Variants in PTPRQ observed in about 807,000 individuals in gnomAD.
The protein encoded by PTPRQ is protein tyrosine phosphatase receptor type Q.
In PTPRQ, 199 loss-of-function variants were observed where a neutral mutation model predicts 246.0. The ratio of observed to expected loss-of-function variants is 0.81; its 90% CI spans 0.72 to 0.91. PTPRQ has a LOEUF of 0.91. Ranked by LOEUF, PTPRQ falls within the 40% of genes least tolerant of loss-of-function variation. The pLI, the probability that PTPRQ is intolerant of heterozygous loss-of-function variation, is 0.00. For missense variants in PTPRQ, 2,624 were observed against 2,528.4 expected (o/e 1.04, Z -0.81); for synonymous variants, 869 against 853.2 (o/e 1.02, Z -0.32).
chr12:80,575,601 G>C (rs1431715481), intron 25 of PTPRQ, among the ~76,000 whole-genome samples: 1 of 151,678 alleles, frequency 6.6e-6, no homozygotes, highest in East Asian at 1.9e-4. Context: ...CAGCACTTTG[G>C]GAGGCCAGGG....
In PTPRQ at chr12:80,539,846, C is replaced by A. The variant is rs1043142037; in HGVS notation, c.3056C>A (p.Thr1019Lys). The A allele has an allele frequency of 3.2e-6, 5 of 1,548,646 alleles. No homozygotes were observed. The highest frequency in any genetic ancestry group is 4.4e-6 in the Non-Finnish European group (5 of 1,145,700). Residue 1019 changes from threonine to lysine, a missense_variant, in exon 20 of 45, where the codon ACA becomes AAA. Coordinates refer to ENST00000644991, the MANE Select transcript of PTPRQ (RefSeq NM_001145026.2). The stretch of plus-strand genomic sequence containing the variant: ...GTATCCACAATTATAGATAAACTGA[C>A]AATATTCAGCTACTATACATTTTGG... ...MTVSTIIDKL[T>K]IFSYYTFWLT...
chr12:80,577,650 G>GT (rs1727754974), intron 25 of PTPRQ, among the ~76,000 whole-genome samples: 1 of 152,178 alleles, frequency 6.6e-6, no homozygotes, highest in African/African-American at 2.4e-5. Context: ...TTTTTTAAAG[G>GT]TAAGTGTTTC....
chr12:80,642,654 C>T (rs1465902034), intron 35 of PTPRQ, among the ~76,000 whole-genome samples: 2 of 152,082 alleles, frequency 1.3e-5, no homozygotes, highest in Non-Finnish European at 2.9e-5. Flanking sequence ...GGCGCGGTGG[C>T]TCACGCCTGT....
intron 35 of PTPRQ, among the ~76,000 whole-genome samples, chr12:80,636,942 G>A (rs1169882330): frequency 1.3e-5 from 2 of 151,980 alleles, no homozygotes. Context: ...CTCTACTTCT[G>A]AACACTAAAT....
intron 6 of PTPRQ, among the ~76,000 whole-genome samples, chr12:80,465,940 T>C (rs916526003): frequency 1.3e-5 from 2 of 152,092 alleles, no homozygotes; most frequent in East Asian, 3.9e-4. Context: ...CTTTGAAAAC[T>C]GGCACAAGAC....
At position 80,473,145 on chromosome 12, in the gene PTPRQ, C is replaced by T. The variant is rs183506817; in HGVS notation, c.1186+894C>T. On this transcript the variant is annotated intron_variant, in intron 8 of 44. Transcript: ENST00000644991. ...GTAACTATTAGGAAATTTTGTACTT[C>T]TCCCCTTTAAAGAAACAACCATTGA... is the stretch of plus-strand genomic sequence containing the variant. 2.0e-5 allele frequency among the ~76,000 whole-genome samples: 3 copies of T among 152,090 alleles called. No homozygotes were observed. The East Asian group carries it at 5.8e-4, about 29-fold the overall frequency.
rs1894951826 is a variant in PTPRQ, at chr12:80,506,134, AT to A, written c.2386del (p.Tyr796IlefsTer13). 1 of 1,538,930 alleles carries A rather than the reference AT, an allele frequency of 6.5e-7. No individual in the cohort carries two copies. The highest frequency in any genetic ancestry group is 8.8e-7 in the Non-Finnish European group (1 of 1,142,330). ...CAATGGAATCATACAAAAATATACA[AT>A]TTATCTCAAGAGAAGTAATGGAAAT... ...SPNGIIQKYT[I>X]YLKRSNGNEE... On this transcript the variant is annotated frameshift_variant, in exon 15 of 45. Transcript: ENST00000644991. LOFTEE classifies it high-confidence loss of function.
chr12:80,559,870 T>A, intron 25 of PTPRQ, among the ~76,000 whole-genome samples: 1 of 152,170 alleles, frequency 6.6e-6, no homozygotes, highest in Admixed American at 6.5e-5. Context: ...TGGTCCTGAA[T>A]AAGTCACAAT....
chr12:80,592,398 A>T (rs1897828848), intron 26 of PTPRQ, among the ~76,000 whole-genome samples: 1 of 152,156 alleles, frequency 6.6e-6, no homozygotes. Flanking sequence ...TGAATTTCCA[A>T]ATTTCATAAT....
intron 24 of PTPRQ, 130 bp from the exon 25 acceptor site, chr12:80,549,335 A>G: frequency 8.5e-7 from 1 of 1,176,320 alleles, no homozygotes; most frequent in Non-Finnish European, 1.2e-6. Flanking sequence ...TTAAGCACAC[A>G]TTGAAAATTT....
In PTPRQ at chr12:80,534,227, A is replaced by T. The variant is rs930224678; in HGVS notation, c.2839+52A>T. 6 of 1,413,448 alleles carry T rather than the reference A, an allele frequency of 4.2e-6. No individual in the cohort carries two copies. The Admixed American group carries it at 9.7e-5, about 23-fold the overall frequency. The allele number at this position is 1,413,448 out of a possible 1,614,324, so 87.6% of individuals were successfully genotyped here. A position where few individuals can be genotyped will look rare whatever the true frequency, so the allele number is the denominator to read the frequency against. ...AAGAATGTTCTTTTTCTTTAAAAAA[A>T]AAATCCTGCCCAGAAAAATATTCAA... is the stretch of plus-strand genomic sequence containing the variant. On this transcript the variant is annotated intron_variant, in intron 18 of 44. Coordinates refer to ENST00000644991, the MANE Select transcript of PTPRQ (RefSeq NM_001145026.2).
At chr12:80,521,017 C>T (rs1158519589) in intron 17 of PTPRQ, among the ~76,000 whole-genome samples, 1 of 151,972 alleles carries the variant, frequency 6.6e-6, no homozygotes, top group East Asian at 1.9e-4. Flanking sequence ...TCCTCTCCAG[C>T]ACCTGTTGTT....
intron 17 of PTPRQ, among the ~76,000 whole-genome samples, chr12:80,519,271 G>A (rs953405993): frequency 6.6e-6 from 1 of 152,008 alleles, no homozygotes. Context: ...GTTATTAACT[G>A]TTGATTTAGG....
intron 17 of PTPRQ, among the ~76,000 whole-genome samples, chr12:80,519,016 C>T (rs542898516): frequency 6.6e-6 from 1 of 152,058 alleles, no homozygotes; most frequent in African/African-American, 2.4e-5. Context: ...TGAAGAATGT[C>T]TTTGATATTT....
intron 8 of PTPRQ, among the ~76,000 whole-genome samples, chr12:80,478,247 G>C (rs1202107050): frequency 4.0e-5 from 6 of 150,912 alleles, no homozygotes; most frequent in Non-Finnish European, 8.8e-5. Flanking sequence ...GCCTAACTGG[G>C]AGGCATCCCC....
intron 9 of PTPRQ, among the ~76,000 whole-genome samples, chr12:80,491,189 T>A (rs191440551): frequency 6.6e-6 from 1 of 152,082 alleles, no homozygotes; most frequent in East Asian, 1.9e-4. Context: ...TTGTCTGACA[T>A]GGGATAGAAA....
chr12:80,603,044 G>A (rs915741665), intron 26 of PTPRQ, among the ~76,000 whole-genome samples: 2 of 151,698 alleles, frequency 1.3e-5, no homozygotes, highest in Non-Finnish European at 2.9e-5. Context: ...CAAAATCAGT[G>A]TATGTTCCTG....
chr12:80,510,450 ATT>A lies in PTPRQ; in HGVS notation c.2678+16_2678+17del. The A allele has an allele frequency of 6.3e-6, 9 of 1,424,186 alleles. No homozygotes were observed. Among genetic ancestry groups the A allele is most frequent in the South Asian group, 4.2e-5 (3 of 72,094 alleles). The allele number at this position is 1,424,186 out of a possible 1,614,324, so 88.2% of individuals were successfully genotyped here. A position where few individuals can be genotyped will look rare whatever the true frequency, so the allele number is the denominator to read the frequency against. The stretch of plus-strand genomic sequence containing the variant: ...ATTACACAGTTTATGTCTGGTAATA[ATT>A]TTTTTTTTGGAAATAGTTCTGAGAA... On this transcript the variant is annotated splice_region_variant and intron_variant, in intron 17 of 44. Transcript: ENST00000644991.
intron 6 of PTPRQ, 42 bp downstream of exon 6, chr12:80,460,944 G>T (rs1893144512): frequency 2.5e-6 from 1 of 399,092 alleles, no homozygotes; most frequent in South Asian, 1.4e-4. Flanking sequence ...TAAATGATTA[G>T]AGAATAATGT....
Sources: gnomAD v4.1 joint callset for allele counts (sites outside exome capture counted in the v4.1 genomes callset) on GRCh38, gnomAD v4.1.1 for gene constraint, MANE v1.5 for transcripts, NCBI Gene and HGNC (gene_info 2026-07-23, HGNC 2026-07-21) for gene names.